The following GPR149 variants were observed in gnomAD, a reference collection of about 807,000 sequenced individuals.
GPR149 encodes the protein probable G protein-coupled receptor 149.
In GPR149, 50 loss-of-function variants were observed where a neutral mutation model predicts 50.2. That is an observed-to-expected ratio of 1.00 (90% CI 0.79 to 1.26). GPR149 has a LOEUF of 1.26. Ranked by LOEUF, GPR149 falls within the 50% of genes most tolerant of loss-of-function variation. GPR149 has a pLI of 0.00. For missense variants in GPR149, 983 were observed against 895.4 expected, an observed-to-expected ratio of 1.10 and a Z score of -1.25; for synonymous variants, 405 against 358.2, an observed-to-expected ratio of 1.13 and a Z score of -1.48.
At chr3:154,414,255 T>G (rs1711922265) in intron 3 of GPR149, among the ~76,000 whole-genome samples, 1 of 151,806 alleles carries the variant, frequency 6.6e-6, no homozygotes, top group African/African-American at 2.4e-5. Flanking sequence ...AAATCACCAC[T>G]AAAGGACTTA....
At chr3:154,369,901 C>T (rs543313371) in intron 3 of GPR149, among the ~76,000 whole-genome samples, 2 of 152,268 alleles carry the variant, frequency 1.3e-5, no homozygotes, top group South Asian at 2.1e-4. Flanking sequence ...GGTAAATGAT[C>T]GAATGACCCC....
At chr3:154,378,690 CA>C (rs1316910375) in intron 3 of GPR149, among the ~76,000 whole-genome samples, 1 of 152,192 alleles carries the variant, frequency 6.6e-6, no homozygotes, top group African/African-American at 2.4e-5. Flanking sequence ...TTCCCACCAG[CA>C]ATGCACGTTT....
At chr3:154,364,295 C>T (rs1714481152) in intron 3 of GPR149, among the ~76,000 whole-genome samples, 1 of 152,190 alleles carries the variant, frequency 6.6e-6, no homozygotes, top group African/African-American at 2.4e-5. Flanking sequence ...TTGGAGAAGA[C>T]ATCATGATTT....
chr3:154,416,126 CA>C (rs1298804222), intron 3 of GPR149, among the ~76,000 whole-genome samples: 1 of 151,734 alleles, frequency 6.6e-6, no homozygotes, highest in Non-Finnish European at 1.5e-5. Context: ...AGAAAAGATG[CA>C]CAGTTTTTAG....
At position 154,341,336 on chromosome 3, in the gene GPR149, TATATAA is replaced by T. The variant is rs1461200768; in HGVS notation, c.1624-3071_1624-3066del. Among the ~76,000 whole-genome samples, 24 of 123,838 alleles carry T rather than the reference TATATAA, an allele frequency of 1.9e-4. 1 individual carries two copies. Among genetic ancestry groups the T allele is most frequent in the African/African-American group, 3.4e-4 (11 of 32,594 alleles). 81.2% of individuals were successfully genotyped at this position (123,838 alleles called of 152,430 possible). The stretch of plus-strand genomic sequence containing the variant: ...ATATATATATATATATATATATATA[TATATAA>T]AATGAGTAGGAAGAGACATTATTGT... On this transcript the variant is annotated intron_variant, in intron 3 of 3. Transcript: ENST00000389740.
intron 3 of GPR149, among the ~76,000 whole-genome samples, chr3:154,412,680 A>G (rs1295083874): frequency 1.3e-5 from 2 of 152,268 alleles, no homozygotes; most frequent in Non-Finnish European, 2.9e-5. Flanking sequence ...AGCACATCCC[A>G]TGCTCATGTA....
chr3:154,383,687 T>C (rs1197429179), intron 3 of GPR149, among the ~76,000 whole-genome samples: 1 of 152,078 alleles, frequency 6.6e-6, no homozygotes, highest in African/African-American at 2.4e-5. Context: ...CATTCCTTGA[T>C]ATTTGAGGAG....
intron 3 of GPR149, among the ~76,000 whole-genome samples, chr3:154,414,899 A>C (rs1327262770): frequency 6.6e-6 from 1 of 152,022 alleles, no homozygotes; most frequent in Non-Finnish European, 1.5e-5. Flanking sequence ...ACGATTTATC[A>C]TCAGGGATTA....
intron 3 of GPR149, among the ~76,000 whole-genome samples, chr3:154,350,718 C>A (rs985452075): frequency 6.6e-6 from 1 of 151,984 alleles, no homozygotes; most frequent in African/African-American, 2.4e-5. Context: ...GTACATGAAC[C>A]AGAATAGCTA....
In GPR149 at chr3:154,400,836, A is replaced by G. The variant is rs556780201; in HGVS notation, c.1623+20203T>C. Among the ~76,000 whole-genome samples the G allele has an allele frequency of 3.7e-4, 56 of 152,370 alleles. No individual in the cohort carries two copies. In the South Asian group the frequency reaches 8.3e-3, roughly 23 times the overall value. ...GCCCGTGCTCTACCTGCAACATTTCATAAGAGACTAGCCACTACTAAAGTG... is the reference window on the plus strand; with the variant it reads ...GCCCGTGCTCTACCTGCAACATTTCGTAAGAGACTAGCCACTACTAAAGTG... On this transcript the variant is annotated intron_variant, in intron 3 of 3. Transcript: ENST00000389740.
chr3:154,383,891 G>C (rs948120391), intron 3 of GPR149, among the ~76,000 whole-genome samples: 2 of 152,074 alleles, frequency 1.3e-5, no homozygotes, highest in Admixed American at 6.6e-5. Context: ...ACGACACAGT[G>C]AGAAGACGGT....
intron 3 of GPR149, among the ~76,000 whole-genome samples, chr3:154,389,418 T>C (rs1321512692): frequency 1.3e-5 from 2 of 152,010 alleles, no homozygotes; most frequent in Non-Finnish European, 2.9e-5. Context: ...GCTCCCAGCT[T>C]TTCTCTGAGG....
chr3:154,382,253 A>G (rs1714944047), intron 3 of GPR149, among the ~76,000 whole-genome samples: 1 of 152,172 alleles, frequency 6.6e-6, no homozygotes, highest in Non-Finnish European at 1.5e-5. Flanking sequence ...GCTATGTGGC[A>G]CCATTTGGGT....
rs1713696774 is a variant in GPR149 at position 154,338,016 on chromosome 3, T to C, written c.1879A>G (p.Asn627Asp). 1 of 1,614,176 alleles carries C rather than the reference T, an allele frequency of 6.2e-7. No individual in the cohort carries two copies. Among genetic ancestry groups the C allele is most frequent in the South Asian group, 1.1e-5 (1 of 91,080 alleles). ...IHLEVLEICD[N>D]EEALDTVSII... ...GACACAGTGTCCAAGGCCTCTTCAT[T>C]ATCACAAATTTCAAGAACCTCCAAG... Residue 627 changes from asparagine to aspartate, a missense_variant, in exon 4 of 4, where the codon AAT becomes GAT. Asn to Asp is a conservative substitution (Grantham distance 23). Transcript: ENST00000389740.
At chr3:154,424,671 T>C (rs1206272859) in intron 2 of GPR149, among the ~76,000 whole-genome samples, 3 of 151,824 alleles carry the variant, frequency 2.0e-5, no homozygotes, top group African/African-American at 7.2e-5. Flanking sequence ...TTGAAATTTA[T>C]ACTAAACATC....
At chr3:154,341,017 G>A (rs1713779299) in intron 3 of GPR149, among the ~76,000 whole-genome samples, 1 of 152,068 alleles carries the variant, frequency 6.6e-6, no homozygotes, top group African/African-American at 2.4e-5. Context: ...ATCGTGCCCG[G>A]CCAAGATTTA....
chr3:154,400,818 C>G (rs1185390954), intron 3 of GPR149, among the ~76,000 whole-genome samples: 1 of 152,196 alleles, frequency 6.6e-6, no homozygotes, highest in East Asian at 1.9e-4. Flanking sequence ...AAAGCCCGTG[C>G]TCTACCTGCA....
In GPR149 at chr3:154,428,878, C is replaced by G. The variant is rs766055573; in HGVS notation, c.738G>C (p.Gly246=). The G allele has an allele frequency of 1.9e-6, 3 of 1,614,016 alleles. No homozygotes were observed. The highest frequency in any genetic ancestry group is 1.7e-6 in the Non-Finnish European group (2 of 1,179,948). The change falls in exon 1 of 4, where the codon GGG becomes GGC. Residue 246 remains glycine (G), a synonymous_variant. Coordinates refer to ENST00000389740, the MANE Select transcript of GPR149 (RefSeq NM_001038705.3). The part of the protein sequence containing the change: ...ASIPGTPPTA[G]RVVSLSPEDA... ...CCTCTGGGGACAGGGAAACCACTCT[C>G]CCCGCAGTAGGAGGGGTCCCAGGAA...
At chr3:154,392,836 G>C (rs917165007) in intron 3 of GPR149, among the ~76,000 whole-genome samples, 1 of 151,872 alleles carries the variant, frequency 6.6e-6, no homozygotes, top group Non-Finnish European at 1.5e-5. Flanking sequence ...ACCTGGAAGA[G>C]ATAGATAAAT....
Sources: allele counts gnomAD v4.1 joint callset (sites outside exome capture counted in the v4.1 genomes callset), GRCh38; gene constraint gnomAD v4.1.1; transcripts MANE v1.5; gene names NCBI Gene and HGNC (gene_info 2026-07-23, HGNC 2026-07-21).